PCDH15: variants seen among roughly 807,000 people sequenced by gnomAD.
PCDH15 encodes the protein protocadherin related 15.
PCDH15 carries 129 observed loss-of-function variants against 178.5 expected under a neutral mutation model. That is an observed-to-expected ratio of 0.72 (90% confidence interval 0.63 to 0.84). The LOEUF (loss-of-function observed/expected upper bound fraction) is 0.84. PCDH15 is among the 40% of genes least tolerant of loss of function. PCDH15 has a pLI of 0.00. For missense variants in PCDH15, 2,230 were observed against 2,099.9 expected (o/e 1.06, Z -1.21); for synonymous variants, 800 against 732.0 (o/e 1.09, Z -1.50).
At chr10:55,325,894 T>C (rs1844017310) in intron 2 of PCDH15, among the ~76,000 whole-genome samples, 1 of 151,678 alleles carries the variant, frequency 6.6e-6, no homozygotes, top group Admixed American at 6.6e-5. Flanking sequence ...TCGACAAGCA[T>C]AAAAGAAACA....
upstream of PCDH15, among the ~76,000 whole-genome samples, chr10:54,805,632 C>T (rs78650195): frequency 1.4e-3 from 216 of 152,212 alleles, no homozygotes; most frequent in African/African-American, 4.9e-3. Flanking sequence ...CTAGCACTTA[C>T]CTGTTTTATA....
chr10:55,368,408 C>T (rs761570856), intron 2 of PCDH15, among the ~76,000 whole-genome samples: 1 of 152,030 alleles, frequency 6.6e-6, no homozygotes, highest in African/African-American at 2.4e-5. Context: ...TATAAAGACC[C>T]CTGAGCTGAA....
At chr10:54,374,843 G>C (rs753122161) in intron 4 of PCDH15, among the ~76,000 whole-genome samples, 1 of 151,502 alleles carries the variant, frequency 6.6e-6, no homozygotes, top group African/African-American at 2.4e-5. Context: ...CTGAGCGTTG[G>C]GTATTTTTAT....
intron 25 of PCDH15, among the ~76,000 whole-genome samples, chr10:53,907,768 T>C (rs1394719102): frequency 6.6e-6 from 1 of 152,100 alleles, no homozygotes; most frequent in Non-Finnish European, 1.5e-5. Flanking sequence ...CAGGGGAAAA[T>C]GTAAGTCTTA....
At chr10:54,356,092 T>C (rs904653605) in intron 5 of PCDH15, among the ~76,000 whole-genome samples, 1 of 152,020 alleles carries the variant, frequency 6.6e-6, no homozygotes, top group African/African-American at 2.4e-5. Context: ...AGTACAAAAT[T>C]ACTGGTAAAT....
At chr10:55,285,656 A>G (rs1385905217) in intron 1 of PCDH15, among the ~76,000 whole-genome samples, 1 of 151,640 alleles carries the variant, frequency 6.6e-6, no homozygotes. Context: ...ACTTCTGGGT[A>G]GTGAGGTGAA....
chr10:55,473,754 T>G (rs1840010947), intron 2 of PCDH15, among the ~76,000 whole-genome samples: 1 of 152,146 alleles, frequency 6.6e-6, no homozygotes, highest in African/African-American at 2.4e-5. Context: ...TAAGGAAAAT[T>G]TGGTATGCTT....
At chr10:54,495,170 C>T (rs75522438) in intron 3 of PCDH15, among the ~76,000 whole-genome samples, 16,874 of 152,110 alleles carry the variant, frequency 0.11, 1,034 homozygotes, top group East Asian at 0.27. Context: ...CCCCAGAAAG[C>T]AACCTATGTT....
At chr10:54,724,884 T>C (rs1464266168) in intron 1 of PCDH15, among the ~76,000 whole-genome samples, 1 of 140,414 alleles carries the variant, frequency 7.1e-6, no homozygotes, top group Non-Finnish European at 1.5e-5. Context: ...CTCTACCCAT[T>C]AGCCAAATAG....
chr10:53,954,592 C>G (rs923651410), intron 23 of PCDH15, among the ~76,000 whole-genome samples: 5 of 152,114 alleles, frequency 3.3e-5, no homozygotes, highest in African/African-American at 1.2e-4. Context: ...TTATATTTTA[C>G]TTCTGTGACC....
intron 3 of PCDH15, among the ~76,000 whole-genome samples, chr10:54,438,166 TG>T (rs2075549791): frequency 6.6e-6 from 1 of 151,908 alleles, no homozygotes; most frequent in Non-Finnish European, 1.5e-5. Flanking sequence ...GGAAGACCTG[TG>T]GTTGTTTATC....
At chr10:53,818,621 G>GTTCACAC (rs1364245462) in intron 33 of PCDH15, among the ~76,000 whole-genome samples, 1 of 152,008 alleles carries the variant, frequency 6.6e-6, no homozygotes, top group Non-Finnish European at 1.5e-5. Flanking sequence ...GATTTATAAA[G>GTTCACAC]TTCACACATC....
intron 17 of PCDH15, among the ~76,000 whole-genome samples, chr10:54,069,322 A>G (rs2094196875): frequency 6.6e-6 from 1 of 152,184 alleles, no homozygotes; most frequent in Admixed American, 6.5e-5. Flanking sequence ...TTTTCAGAGT[A>G]TTCTGTATCC....
chr10:55,057,800 G>A (rs751836944), intron 2 of PCDH15, among the ~76,000 whole-genome samples: 9 of 152,032 alleles, frequency 5.9e-5, no homozygotes, highest in Non-Finnish European at 1.2e-4. Flanking sequence ...TTGCATTCAC[G>A]AGATTCTACT....
intron 3 of PCDH15, among the ~76,000 whole-genome samples, chr10:54,809,200 A>G (rs1952825185): frequency 6.6e-6 from 1 of 152,154 alleles, no homozygotes; most frequent in Non-Finnish European, 1.5e-5. Flanking sequence ...ATTGATTCGT[A>G]CAATCTTAAT....
intron 7 of PCDH15, among the ~76,000 whole-genome samples, chr10:54,318,001 C>G (rs2061384116): frequency 6.6e-6 from 1 of 152,124 alleles, no homozygotes; most frequent in African/African-American, 2.4e-5. Flanking sequence ...ACAGCCTAAC[C>G]ATAAAGGTCA....
chr10:54,687,090 C>A (rs369781646), intron 1 of PCDH15, among the ~76,000 whole-genome samples: 1 of 152,030 alleles, frequency 6.6e-6, no homozygotes, highest in Non-Finnish European at 1.5e-5. Flanking sequence ...TCTCCTCACA[C>A]CTGTCAGTAT....
rs1844487424 is a variant in PCDH15 at position 55,339,337 on chromosome 10, C to T, written c.-155-172686G>A. On this transcript the variant is annotated intron_variant, in intron 2 of 5. Coordinates refer to the PCDH15 transcript ENST00000613346. ...AACAAAGAATTTACTACAATGAGGA[C>T]ATTTGGAGTAACCTGCTGTCGGACC... Among the ~76,000 whole-genome samples the T allele has an allele frequency of 3.3e-5, 5 of 151,864 alleles. No individual in the cohort carries two copies. The South Asian group carries it at 6.2e-4, about 19-fold the overall frequency.
rs888666556 is a variant in PCDH15 at position 55,449,350 on chromosome 10, C to T, written c.-156+178275G>A. ...GAAACAAATGCGGATTTGCAAGTAC[C>T]CCAGAAACCTAAGCTGGACAGAATT... On this transcript the variant is annotated intron_variant, in intron 2 of 5. Transcript: ENST00000613346. 2.0e-5 allele frequency among the ~76,000 whole-genome samples: 3 copies of T among 151,896 alleles called. No homozygotes were observed. The East Asian group carries it at 5.8e-4, about 29-fold the overall frequency.
Sources: allele counts gnomAD v4.1 joint callset (sites outside exome capture counted in the v4.1 genomes callset), GRCh38; gene constraint gnomAD v4.1.1; transcripts MANE v1.5; gene names NCBI Gene and HGNC (gene_info 2026-07-23, HGNC 2026-07-21).